The following CAMTA1 variants were observed in gnomAD, a reference collection of about 807,000 sequenced individuals.
CAMTA1 encodes calmodulin binding transcription activator 1, also known as calmodulin-binding transcription activator 1.
CAMTA1 carries 27 observed loss-of-function variants against 170.9 expected under a neutral mutation model. The observed-to-expected ratio is 0.16, with a 90% CI of 0.12 to 0.22. The LOEUF is 0.22. Among genes scored for constraint, CAMTA1 ranks in the 10% least tolerant of loss-of-function variants. CAMTA1 has a pLI of 1.00. For synonymous variants in CAMTA1, 833 were observed against 891.5 expected, an observed-to-expected ratio of 0.93 and a Z score of 1.17; for missense variants, 1,619 against 2,217.2, an observed-to-expected ratio of 0.73 and a Z score of 5.42.
In CAMTA1 at chr1:7,658,854, G is replaced by A. The variant is rs140665915; in HGVS notation, c.665-2872G>A. Among the ~76,000 whole-genome samples the A allele has an allele frequency of 5.4e-3, 823 of 152,328 alleles. 10 individuals carry two copies. Among genetic ancestry groups the A allele is most frequent in the African/African-American group, 0.019 (789 of 41,572 alleles). On this transcript the variant is annotated intron_variant, in intron 7 of 22. Transcript: ENST00000303635. Reference sequence around the variant, plus strand: ...TCAGGGACAAGGTGCTTAGGGGGATGCTGGAGAATTCCTCCAGGGAGCCCA... The same window carrying A: ...TCAGGGACAAGGTGCTTAGGGGGATACTGGAGAATTCCTCCAGGGAGCCCA...
At chr1:6,871,937 A>AAT (rs1231770773) in intron 3 of CAMTA1, 3 of 1,338,722 alleles carry the variant, frequency 2.2e-6, no homozygotes, top group East Asian at 5.8e-5. Context: ...GATTTCCTCA[A>AAT]ATAGAGATAC....
intron 5 of CAMTA1, among the ~76,000 whole-genome samples, chr1:7,364,562 T>C (rs1046951717): frequency 6.6e-6 from 1 of 151,998 alleles, no homozygotes; most frequent in African/African-American, 2.4e-5. Context: ...ATCAGACCTA[T>C]GAGTGCATGG....
At position 7,738,606 on chromosome 1, in the gene CAMTA1, G is replaced by C; in HGVS notation, c.4182+124G>C. The C allele has an allele frequency of 4.8e-6, 5 of 1,040,498 alleles. No homozygotes were observed. Among genetic ancestry groups the C allele is most frequent in the Non-Finnish European group, 6.8e-6 (5 of 734,214 alleles). The allele number at this position is 1,040,498 out of a possible 1,614,324, so 64.5% of individuals were successfully genotyped here. ...GTGAAGCCTTCGAAGTTGGCTTTGT[G>C]CAGAACATCGTTGGAGTATCTTCTT... On this transcript the variant is annotated intron_variant, in intron 16 of 22. Transcript: ENST00000303635. This position sits in a 1 kb window ranked among gnomAD's most constrained non-coding sequence, Gnocchi z 4.9.
At chr1:7,247,938 C>T (rs912593834) in intron 4 of CAMTA1, among the ~76,000 whole-genome samples, 1 of 152,176 alleles carries the variant, frequency 6.6e-6, no homozygotes, top group African/African-American at 2.4e-5. Flanking sequence ...GAGCCATTTC[C>T]TGATTGTTTT....
intron 11 of CAMTA1, among the ~76,000 whole-genome samples, chr1:7,705,423 TGC>T (rs1360698624): frequency 2.0e-5 from 3 of 146,672 alleles, no homozygotes; most frequent in Admixed American, 2.0e-4. Context: ...CGTGTCTGGG[TGC>T]GCGCGCGGGC....
intron 11 of CAMTA1, among the ~76,000 whole-genome samples, chr1:7,704,458 C>T (rs1163917705): frequency 6.2e-5 from 9 of 145,764 alleles, no homozygotes; most frequent in Non-Finnish European, 1.2e-4. Context: ...CGCGAGGGAC[C>T]GGGGGCCCGG....
chr1:7,470,129 T>A (rs1297665885), intron 6 of CAMTA1, among the ~76,000 whole-genome samples: 2 of 152,124 alleles, frequency 1.3e-5, no homozygotes, highest in Non-Finnish European at 2.9e-5. Flanking sequence ...TCCCCATCCC[T>A]CTCCTCTGTG....
chr1:7,321,792 C>A (rs1309885330), intron 5 of CAMTA1, among the ~76,000 whole-genome samples: 1 of 152,100 alleles, frequency 6.6e-6, no homozygotes, highest in African/African-American at 2.4e-5. Flanking sequence ...AGAGTCCATC[C>A]CCCTTTATCC....
At chr1:7,724,376 G>A (rs2096669258) in intron 11 of CAMTA1, among the ~76,000 whole-genome samples, 1 of 152,216 alleles carries the variant, frequency 6.6e-6, no homozygotes, top group African/African-American at 2.4e-5. Flanking sequence ...AGAGGAAACT[G>A]AGTGAGGGGC....
intron 6 of CAMTA1, among the ~76,000 whole-genome samples, chr1:7,500,294 G>GTA (rs2149793474): frequency 1.4e-5 from 2 of 142,688 alleles, no homozygotes; most frequent in Admixed American, 7.1e-5. Context: ...GTATATGAGT[G>GTA]TGTGTGTGCA....
rs189911391 is a variant in CAMTA1 at position 7,718,658 on chromosome 1, G to A, written c.2915-13790G>A. On this transcript the variant is annotated intron_variant, in intron 11 of 22. Transcript: ENST00000303635. ...TGCAACTTCTGCCCCGCCAGGTTCA[G>A]GCGATTCTCCTGCCTCAGCCTCCCG... Among the ~76,000 whole-genome samples the A allele has an allele frequency of 4.8e-3, 724 of 151,052 alleles. 2 individuals carry two copies. The Middle Eastern group carries it at 0.068, about 14-fold the overall frequency.
intron 1 of CAMTA1, among the ~76,000 whole-genome samples, chr1:6,786,579 C>T (rs536268298): frequency 3.9e-5 from 6 of 152,276 alleles, no homozygotes; most frequent in African/African-American, 1.2e-4. Context: ...TTGTGCAGCT[C>T]TGAAGTCATT....
chr1:7,100,524 A>G (rs1360533210), intron 4 of CAMTA1, among the ~76,000 whole-genome samples: 1 of 151,894 alleles, frequency 6.6e-6, no homozygotes, highest in Non-Finnish European at 1.5e-5. Context: ...TCTTTTTCCA[A>G]GTCTTTTTCA....
At chr1:7,720,844 A>T (rs2096645007) in intron 11 of CAMTA1, among the ~76,000 whole-genome samples, 1 of 152,160 alleles carries the variant, frequency 6.6e-6, no homozygotes, top group Non-Finnish European at 1.5e-5. Context: ...AGCAGATGGC[A>T]GCCAGCCGGG....
rs1307363334 is a variant in CAMTA1, at chr1:7,426,341, C to A, written c.439-41489C>A. Among the ~76,000 whole-genome samples the A allele has an allele frequency of 6.6e-6, 1 of 152,142 alleles. No individual in the cohort carries two copies. The highest frequency in any genetic ancestry group is 1.5e-5 in the Non-Finnish European group (1 of 68,020). ...CTGCCTGGTGGGTGCATGGGGCCAG[C>A]AAGGGCAGGTGGTGTCAACTCCCAT... On this transcript the variant is annotated intron_variant, in intron 5 of 22. Transcript: ENST00000303635. The surrounding 1 kb of genome is among the most constrained non-coding windows in gnomAD (Gnocchi z 4.8).
At chr1:7,051,346 A>G (rs902780084) in intron 3 of CAMTA1, among the ~76,000 whole-genome samples, 12 of 152,214 alleles carry the variant, frequency 7.9e-5, no homozygotes, top group Non-Finnish European at 1.5e-4. Flanking sequence ...TTCAGCCCCA[A>G]GAGAAGGCAG....
At chr1:6,912,821 G>A (rs1680008134) in intron 3 of CAMTA1, among the ~76,000 whole-genome samples, 3 of 152,198 alleles carry the variant, frequency 2.0e-5, no homozygotes, top group African/African-American at 7.2e-5. Context: ...GCCCGTCACT[G>A]AATCCTCCCA....
chr1:7,396,415 C>A (rs2089310555), intron 5 of CAMTA1, among the ~76,000 whole-genome samples: 1 of 152,174 alleles, frequency 6.6e-6, no homozygotes, highest in Admixed American at 6.5e-5. Context: ...TCAGGTATTC[C>A]TTTATAGCAA....
In CAMTA1 at chr1:7,580,238, C is replaced by A. The variant is rs563982536; in HGVS notation, c.511-60162C>A. ...AGAAGAGGAAGGAGGGCTCCCTCCCCCTGGGGCTGTGGAGGCTGAGGCTCC... is the reference window on the plus strand; with the variant it reads ...AGAAGAGGAAGGAGGGCTCCCTCCCACTGGGGCTGTGGAGGCTGAGGCTCC... On this transcript the variant is annotated intron_variant, in intron 6 of 22. Coordinates refer to ENST00000303635, the MANE Select transcript of CAMTA1 (RefSeq NM_015215.4). This position sits in a 1 kb window ranked among gnomAD's most constrained non-coding sequence, Gnocchi z 4.3. 6.6e-6 allele frequency among the ~76,000 whole-genome samples: 1 copy of A among 152,210 alleles called. No homozygotes were observed. The highest frequency in any genetic ancestry group is 2.1e-4 in the South Asian group (1 of 4,830).
Sources: allele counts gnomAD v4.1 joint callset (sites outside exome capture counted in the v4.1 genomes callset), GRCh38; gene constraint gnomAD v4.1.1; non-coding constraint Gnocchi (gnomAD v3.1); transcripts MANE v1.5; gene names NCBI Gene and HGNC (gene_info 2026-07-23, HGNC 2026-07-21).